The following ITFG1 variants were observed in gnomAD, a reference collection of about 807,000 sequenced individuals.
ITFG1 encodes the protein T-cell immunomodulatory protein.
In ITFG1, 34 loss-of-function variants were observed where a neutral mutation model predicts 81.8. The observed-to-expected ratio is 0.42, with a 90% CI of 0.32 to 0.55. ITFG1 has a LOEUF of 0.55. Ranked by LOEUF, ITFG1 falls within the 20% of genes least tolerant of loss-of-function variation. The probability of loss-of-function intolerance (pLI) is 0.17; values close to 1 mark genes in which losing one functional copy is unlikely to be tolerated. For missense variants in ITFG1, 672 were observed against 755.4 expected (o/e 0.89, Z 1.29); for synonymous variants, 285 against 270.6 (o/e 1.05, Z -0.52).
At chr16:47,234,434 T>C (rs1374463948) in intron 13 of ITFG1, among the ~76,000 whole-genome samples, 1 of 152,068 alleles carries the variant, frequency 6.6e-6, no homozygotes. Flanking sequence ...AAGGTGTAAA[T>C]ACACGTAGTA....
At chr16:47,295,686 G>T (rs1410439690) in intron 10 of ITFG1, among the ~76,000 whole-genome samples, 1 of 151,942 alleles carries the variant, frequency 6.6e-6, no homozygotes, top group Non-Finnish European at 1.5e-5. Context: ...GTATTTATCT[G>T]AATCTTCTGT....
chr16:47,339,798 T>G (rs991827424), intron 8 of ITFG1, among the ~76,000 whole-genome samples: 3 of 152,002 alleles, frequency 2.0e-5, no homozygotes, highest in Admixed American at 6.6e-5. Flanking sequence ...AGAGAACACT[T>G]GAAGAAATCA....
At position 47,428,791 on chromosome 16, in the gene ITFG1, A is replaced by C. The variant is rs1363406735; in HGVS notation, c.655+13T>G. On this transcript the variant is annotated intron_variant, in intron 6 of 17. Transcript: ENST00000320640. ...GGTAACTCAAAACAATTCCAGATTT[A>C]TGTGCAACTCACCTGCTGTAAAATC... is the stretch of plus-strand genomic sequence containing the variant. 1 of 1,540,784 alleles carries C rather than the reference A, an allele frequency of 6.5e-7. No homozygotes were observed. The highest frequency in any genetic ancestry group is 9.0e-7 in the Non-Finnish European group (1 of 1,116,748).
chr16:47,312,362 G>A (rs2151564858), intron 9 of ITFG1: 1 of 152,166 alleles, frequency 6.6e-6, no homozygotes, highest in East Asian at 1.9e-4. Context: ...CATTTATATG[G>A]CTGCAAGTCA....
intron 8 of ITFG1, among the ~76,000 whole-genome samples, chr16:47,314,137 C>CAAGGAGT (rs1316644673): frequency 6.6e-6 from 1 of 151,928 alleles, no homozygotes; most frequent in East Asian, 1.9e-4. Context: ...CATACCCCAA[C>CAAGGAGT]CCATGTAACA....
At chr16:47,163,914 TACACACACACACACACACAC>T (rs56117889) in intron 14 of ITFG1, among the ~76,000 whole-genome samples, 1 of 139,322 alleles carries the variant, frequency 7.2e-6, no homozygotes, top group Non-Finnish European at 1.6e-5. Flanking sequence ...GAAGCTCAAC[TACACACACACACACACACAC>T]ACACACACAC....
intron 8 of ITFG1, among the ~76,000 whole-genome samples, chr16:47,315,206 A>T (rs953218170): frequency 3.3e-5 from 5 of 152,164 alleles, no homozygotes; most frequent in African/African-American, 1.2e-4. Flanking sequence ...TGCAACATAT[A>T]GATTTGGACT....
chr16:47,161,659 C>G lies in ITFG1; in HGVS notation c.1661+91G>C. On this transcript the variant is annotated intron_variant, in intron 16 of 17. Coordinates refer to ENST00000320640, the MANE Select transcript of ITFG1 (RefSeq NM_030790.5). ...GGGATGGGCACTCATGGGAACACAGCAGGAATATGAGAGAGCTTAAAAGAC... is the reference window on the plus strand; with the variant it reads ...GGGATGGGCACTCATGGGAACACAGGAGGAATATGAGAGAGCTTAAAAGAC... The G allele has an allele frequency of 6.3e-6, 5 of 791,058 alleles. No individual in the cohort carries two copies. In the Admixed American group the frequency reaches 9.0e-5, roughly 14 times the overall value. 49.0% of individuals were successfully genotyped at this position (791,058 alleles called of 1,614,324 possible). A position where few individuals can be genotyped will look rare whatever the true frequency, so the allele number is the denominator to read the frequency against.
intron 12 of ITFG1, among the ~76,000 whole-genome samples, chr16:47,244,073 A>C (rs1038883892): frequency 2.6e-5 from 4 of 152,228 alleles, no homozygotes; most frequent in Non-Finnish European, 4.4e-5. Flanking sequence ...CATAGTGTTG[A>C]GCAAAAGAAG....
At chr16:47,325,146 G>T (rs555047483) in intron 8 of ITFG1, among the ~76,000 whole-genome samples, 1 of 152,302 alleles carries the variant, frequency 6.6e-6, no homozygotes, top group South Asian at 2.1e-4. Context: ...TCAGACCACA[G>T]TGCAATCAAA....
At chr16:47,244,913 C>T (rs1312380707) in intron 12 of ITFG1, among the ~76,000 whole-genome samples, 1 of 152,112 alleles carries the variant, frequency 6.6e-6, no homozygotes, top group Non-Finnish European at 1.5e-5. Context: ...GCTCAGAGTG[C>T]ATCTACCTTC....
chr16:47,241,939 G>A (rs1211658964), intron 12 of ITFG1, among the ~76,000 whole-genome samples: 1 of 147,424 alleles, frequency 6.8e-6, no homozygotes, highest in Non-Finnish European at 1.5e-5. Context: ...GGGTGACAGA[G>A]CAAGACTCCG....
intron 13 of ITFG1, among the ~76,000 whole-genome samples, chr16:47,221,752 C>A (rs1965694603): frequency 6.6e-6 from 1 of 152,208 alleles, no homozygotes; most frequent in Admixed American, 6.5e-5. Context: ...ACTATTGCCA[C>A]AACTTCAGCT....
At chr16:47,285,844 A>C (rs974437025) in intron 10 of ITFG1, among the ~76,000 whole-genome samples, 3 of 152,226 alleles carry the variant, frequency 2.0e-5, no homozygotes, top group Admixed American at 6.5e-5. Flanking sequence ...AATATTGCTT[A>C]TAATTCTTTC....
intron 14 of ITFG1, among the ~76,000 whole-genome samples, chr16:47,174,452 T>A (rs1210016480): frequency 1.3e-5 from 2 of 152,182 alleles, no homozygotes; most frequent in East Asian, 3.8e-4. Flanking sequence ...TATGTGAACA[T>A]GAGTGTGTGT....
intron 8 of ITFG1, among the ~76,000 whole-genome samples, chr16:47,356,035 TGAA>T (rs1052549165): frequency 6.6e-6 from 1 of 152,164 alleles, no homozygotes; most frequent in African/African-American, 2.4e-5. Context: ...CTAATGCAGA[TGAA>T]GAAGGAGTGT....
intron 8 of ITFG1, among the ~76,000 whole-genome samples, chr16:47,361,728 T>C (rs1195934217): frequency 6.6e-6 from 1 of 152,222 alleles, no homozygotes; most frequent in Non-Finnish European, 1.5e-5. Context: ...ATGATAACTT[T>C]TGGGCCACTA....
chr16:47,179,082 T>C (rs1489291281), intron 14 of ITFG1, among the ~76,000 whole-genome samples: 9 of 152,028 alleles, frequency 5.9e-5, no homozygotes, highest in African/African-American at 2.2e-4. Context: ...AAACAACAGG[T>C]GCTGGAGAGG....
intron 8 of ITFG1, among the ~76,000 whole-genome samples, chr16:47,324,546 T>C (rs536415832): frequency 6.6e-6 from 1 of 152,168 alleles, no homozygotes; most frequent in Admixed American, 6.6e-5. Flanking sequence ...ACTGGCAAAT[T>C]GGATAAAGAG....
Sources: allele counts gnomAD v4.1 joint callset (sites outside exome capture counted in the v4.1 genomes callset), GRCh38; gene constraint gnomAD v4.1.1; transcripts MANE v1.5; gene names NCBI Gene and HGNC (gene_info 2026-07-23, HGNC 2026-07-21).